Variants in SCMH1 observed in about 807,000 individuals in gnomAD.
SCMH1 encodes the protein Scm polycomb group protein homolog 1.
In SCMH1, 37 loss-of-function variants were observed where a neutral mutation model predicts 70.8. The ratio of observed to expected loss-of-function variants is 0.52; its 90% CI spans 0.40 to 0.69. The LOEUF (loss-of-function observed/expected upper bound fraction) is 0.69, where lower values mean the gene tolerates loss of function less well. Ranked by LOEUF, SCMH1 falls within the 30% of genes least tolerant of loss-of-function variation. The pLI, the probability that SCMH1 is intolerant of heterozygous loss-of-function variation, is 0.00. For synonymous variants in SCMH1, 292 were observed against 307.4 expected (o/e 0.95, Z 0.52); for missense variants, 607 against 827.3 (o/e 0.73, Z 3.27).
Position 41,028,242 on chromosome 1 carries a change from T to A in SCMH1, c.1899A>T (p.Ala633=), listed in dbSNP as rs1453288054. ...GGTCAATGTGGTAGGAGAGCTTGAG[T>A]GCAGGCCCCAGCTTCAGGCCCATGT... Residue 633 remains alanine, a synonymous_variant, in exon 15 of 15, where the codon GCA becomes GCT. Transcript: ENST00000337495. 7.4e-6 allele frequency: 12 copies of A among 1,613,986 alleles called. No homozygotes were observed. In the African/African-American group the frequency reaches 9.3e-5, roughly 13 times the overall value.
chr1:41,198,449 T>C (rs1328426125), intron 1 of SCMH1, among the ~76,000 whole-genome samples: 1 of 152,230 alleles, frequency 6.6e-6, no homozygotes. Context: ...TTATTTTATA[T>C]CCTACACATT....
intron 5 of SCMH1, among the ~76,000 whole-genome samples, chr1:41,145,124 T>C (rs1317397495): frequency 1.3e-5 from 2 of 152,182 alleles, no homozygotes; most frequent in Non-Finnish European, 2.9e-5. Context: ...TTTTGTTGTT[T>C]ATGTTTTTGG....
At chr1:41,194,030 G>C (rs1283919956) in intron 1 of SCMH1, among the ~76,000 whole-genome samples, 1 of 152,162 alleles carries the variant, frequency 6.6e-6, no homozygotes, top group Non-Finnish European at 1.5e-5. Flanking sequence ...TTAAGACTTA[G>C]AGGCAAAAGA....
chr1:41,193,968 C>A (rs1652380878), intron 1 of SCMH1, among the ~76,000 whole-genome samples: 1 of 152,146 alleles, frequency 6.6e-6, no homozygotes, highest in Non-Finnish European at 1.5e-5. Context: ...TTGCATACTA[C>A]ATGTCTACTA....
intron 6 of SCMH1, among the ~76,000 whole-genome samples, chr1:41,117,808 T>C (rs924742885): frequency 1.5e-4 from 23 of 152,316 alleles, no homozygotes; most frequent in African/African-American, 4.8e-4. Context: ...AAGGGCCCCC[T>C]GTCCAGTGGA....
At chr1:41,075,488 C>A (rs528991873) in intron 8 of SCMH1, 37 bp from the exon 9 acceptor site, 12 of 1,540,758 alleles carry the variant, frequency 7.8e-6, no homozygotes, top group South Asian at 1.1e-5. Flanking sequence ...CCCTCCCTCC[C>A]CCCTGCATTC....
chr1:41,144,607 C>T (rs146645918), intron 5 of SCMH1, among the ~76,000 whole-genome samples: 6 of 152,192 alleles, frequency 3.9e-5, no homozygotes, highest in Non-Finnish European at 8.8e-5. Context: ...TATTCTCTTA[C>T]GTATATACTT....
At chr1:41,036,407 C>T (rs143460850) in intron 13 of SCMH1, among the ~76,000 whole-genome samples, 1,611 of 152,316 alleles carry the variant, frequency 0.011, 15 homozygotes, top group Non-Finnish European at 0.017. Flanking sequence ...TCCCTTCTTC[C>T]TCACATCTGA....
At position 41,117,797 on chromosome 1, in the gene SCMH1, G is replaced by A. The variant is rs201932849; in HGVS notation, c.413-787C>T. On this transcript the variant is annotated intron_variant, in intron 6 of 14. Coordinates refer to ENST00000337495, the Ensembl canonical transcript of SCMH1. ...CTCTCTGCCTCGGCTGCCAGGCAGG[G>A]AAGGGCCCCCTGTCCAGTGGACACG... Among the ~76,000 whole-genome samples, 60 of 152,288 alleles carry A rather than the reference G, an allele frequency of 3.9e-4. No homozygotes were observed. The East Asian group carries it at 6.8e-3, about 17-fold the overall frequency.
At chr1:41,119,495 C>G (rs1189500098) in intron 6 of SCMH1, among the ~76,000 whole-genome samples, 1 of 151,696 alleles carries the variant, frequency 6.6e-6, no homozygotes, top group African/African-American at 2.4e-5. Context: ...TTGGTGGGCA[C>G]GTCAACCACA....
chr1:41,161,456 C>T, intron 2 of SCMH1, 24 bp from the exon 3 acceptor site: 1 of 1,537,190 alleles, frequency 6.5e-7, no homozygotes, highest in Middle Eastern at 1.7e-4. Context: ...GAAAAATAGT[C>T]ATGTGGAAAG....
chr1:41,066,146 G>T (rs569240847), intron 10 of SCMH1, among the ~76,000 whole-genome samples: 2 of 152,312 alleles, frequency 1.3e-5, no homozygotes, highest in East Asian at 3.9e-4. Flanking sequence ...CAATGGCTAG[G>T]ATTGAAAATG....
chr1:41,193,443 C>T (rs772616837), intron 1 of SCMH1, among the ~76,000 whole-genome samples: 11 of 151,806 alleles, frequency 7.2e-5, no homozygotes, highest in Non-Finnish European at 1.5e-4. Context: ...ATACAATCAT[C>T]GTGTGATTTT....
At chr1:41,086,147 T>TTTA (rs1558749715) in intron 8 of SCMH1, among the ~76,000 whole-genome samples, 3 of 151,994 alleles carry the variant, frequency 2.0e-5, no homozygotes. Flanking sequence ...CCTTTCTTTT[T>TTTA]AAAATGTACT....
intron 3 of SCMH1, among the ~76,000 whole-genome samples, 180 bp from the exon 4 acceptor site, chr1:41,161,078 T>A (rs1645984832): frequency 6.6e-6 from 1 of 152,174 alleles, no homozygotes; most frequent in Non-Finnish European, 1.5e-5. Context: ...TTTTGCCTAT[T>A]CCCAAGCCTA....
intron 9 of SCMH1, among the ~76,000 whole-genome samples, chr1:41,071,698 T>C (rs1351604914): frequency 6.6e-6 from 1 of 152,030 alleles, no homozygotes; most frequent in East Asian, 1.9e-4. Context: ...AGTCTTGCTC[T>C]GTTATCCAGG....
In SCMH1 at chr1:41,186,103, G is replaced by T; in HGVS notation, c.13+18C>A. On this transcript the variant is annotated intron_variant, in intron 2 of 14. Coordinates refer to ENST00000337495, the Ensembl canonical transcript of SCMH1. ...CTTAATCCCTCTTACCTCCACGATAGGGTAAAAAGATACTTACCATTAGGC... is the reference window on the plus strand; with the variant it reads ...CTTAATCCCTCTTACCTCCACGATATGGTAAAAAGATACTTACCATTAGGC... The T allele has an allele frequency of 6.5e-7, 1 of 1,546,858 alleles. No individual in the cohort carries two copies. The highest frequency in any genetic ancestry group is 1.2e-5 in the South Asian group (1 of 83,912).
chr1:41,099,320 G>A (rs1665955683), intron 8 of SCMH1, among the ~76,000 whole-genome samples: 1 of 151,936 alleles, frequency 6.6e-6, no homozygotes, highest in Non-Finnish European at 1.5e-5. Context: ...CATTTCAAAC[G>A]CATCCAAACT....
chr1:41,085,838 C>CTTTTT (rs59678945), intron 8 of SCMH1, among the ~76,000 whole-genome samples: 2 of 85,614 alleles, frequency 2.3e-5, no homozygotes, highest in Non-Finnish European at 2.1e-5. Flanking sequence ...ATTTCACCTG[C>CTTTTT]TTTTTTTTTT....
Sources: gnomAD v4.1 joint callset for allele counts (sites outside exome capture counted in the v4.1 genomes callset) on GRCh38, gnomAD v4.1.1 for gene constraint, MANE v1.5 for transcripts, NCBI Gene and HGNC (gene_info 2026-07-23, HGNC 2026-07-21) for gene names.